ARHGAP24: variants seen among roughly 807,000 people sequenced by gnomAD.
The protein encoded by ARHGAP24 is rho GTPase-activating protein 24.
Under a neutral mutation model 76.4 loss-of-function variants are expected in ARHGAP24, and 50 were observed. That is an observed-to-expected ratio of 0.65 (90% CI 0.52 to 0.83). ARHGAP24 has a LOEUF of 0.83. Ranked by LOEUF, ARHGAP24 falls within the 40% of genes least tolerant of loss-of-function variation. The probability of loss-of-function intolerance (pLI) is 0.00; values close to 1 mark genes in which losing one functional copy is unlikely to be tolerated. For missense variants in ARHGAP24, 930 were observed against 914.2 expected (o/e 1.02, Z -0.22); for synonymous variants, 345 against 323.3 (o/e 1.07, Z -0.72).
At chr4:85,850,024 T>C (rs1473919013) in intron 3 of ARHGAP24, among the ~76,000 whole-genome samples, 1 of 152,238 alleles carries the variant, frequency 6.6e-6, no homozygotes, top group African/African-American at 2.4e-5. Context: ...GAAGAAATGG[T>C]ACCAGCTTCT....
intron 5 of ARHGAP24, among the ~76,000 whole-genome samples, chr4:85,960,443 ACT>A (rs1399350723): frequency 2.0e-5 from 3 of 152,110 alleles, no homozygotes; most frequent in East Asian, 1.9e-4. Context: ...TTCATTGAAA[ACT>A]CTGTGTTCAT....
At chr4:85,481,765 G>C (rs1024177642) in intron 1 of ARHGAP24, among the ~76,000 whole-genome samples, 1 of 152,196 alleles carries the variant, frequency 6.6e-6, no homozygotes, top group Non-Finnish European at 1.5e-5. Context: ...CCCAGTTTAA[G>C]AATAGAGCCC....
At chr4:85,772,050 A>C (rs1037262686) in intron 3 of ARHGAP24, among the ~76,000 whole-genome samples, 2 of 152,182 alleles carry the variant, frequency 1.3e-5, no homozygotes, top group Non-Finnish European at 2.9e-5. Context: ...GTGGCACTAA[A>C]ATAATTAATA....
intron 2 of ARHGAP24, among the ~76,000 whole-genome samples, chr4:85,623,260 A>G (rs551196131): frequency 6.6e-6 from 1 of 152,042 alleles, no homozygotes; most frequent in Non-Finnish European, 1.5e-5. Flanking sequence ...ATCCATCTTG[A>G]ATTAATTTTT....
At chr4:85,880,062 A>G (rs1733157605) in intron 3 of ARHGAP24, among the ~76,000 whole-genome samples, 1 of 152,156 alleles carries the variant, frequency 6.6e-6, no homozygotes, top group South Asian at 2.1e-4. Context: ...GAGGACCCTC[A>G]ATATATATAC....
At position 86,000,727 on chromosome 4, in the gene ARHGAP24, G is replaced by C. The variant is rs778958623; in HGVS notation, c.*5G>C. Reference sequence around the variant, plus strand: ...AACACAATATGGATTCAGTGAGCCTGCTTTCGCCTGCTGTCTCTGATGGCT... The same window carrying C: ...AACACAATATGGATTCAGTGAGCCTCCTTTCGCCTGCTGTCTCTGATGGCT... On this transcript the variant is annotated 3_prime_UTR_variant, in exon 10 of 10. Coordinates refer to ENST00000395184, the MANE Select transcript of ARHGAP24 (RefSeq NM_001025616.3). The C allele has an allele frequency of 2.5e-6, 4 of 1,613,548 alleles. No individual in the cohort carries two copies. The highest frequency in any genetic ancestry group is 3.4e-6 in the Non-Finnish European group (4 of 1,179,726).
At chr4:85,839,659 C>A (rs1730478834) in intron 3 of ARHGAP24, among the ~76,000 whole-genome samples, 1 of 151,860 alleles carries the variant, frequency 6.6e-6, no homozygotes, top group African/African-American at 2.4e-5. Context: ...CTATGTTGGC[C>A]AGGATGGTCT....
chr4:85,559,731 A>G (rs534108131), intron 1 of ARHGAP24, among the ~76,000 whole-genome samples: 32 of 152,274 alleles, frequency 2.1e-4, no homozygotes, highest in African/African-American at 7.7e-4. Context: ...TAAATATAAA[A>G]TAAGAGACAT....
In ARHGAP24 at chr4:85,555,649, AG is replaced by A. The variant is rs1326026891; in HGVS notation, c.-20-14871del. 4.6e-5 allele frequency among the ~76,000 whole-genome samples: 7 copies of A among 152,326 alleles called. No individual in the cohort carries two copies. The South Asian group carries it at 6.2e-4, about 14-fold the overall frequency. On this transcript the variant is annotated intron_variant, in intron 1 of 9. Transcript: ENST00000395184. ...GCACACTGCAGCCCTGGGTGAGCTC[AG>A]GCTTTATGTTCCTTTCTAGCTGGGA...
intron 2 of ARHGAP24, among the ~76,000 whole-genome samples, chr4:85,572,419 G>GTGCACATTCTCTGACATT (rs1219005725): frequency 2.6e-5 from 4 of 152,120 alleles, no homozygotes; most frequent in African/African-American, 7.2e-5. Context: ...TAGAATTCAT[G>GTGCACATTCTCTGACATT]TGCACATTCT....
chr4:85,613,000 G>A (rs965279647), intron 2 of ARHGAP24, among the ~76,000 whole-genome samples: 2 of 151,664 alleles, frequency 1.3e-5, no homozygotes, highest in Non-Finnish European at 2.9e-5. Flanking sequence ...GTTTCGCCAT[G>A]TTGCCCAGGC....
intron 2 of ARHGAP24, among the ~76,000 whole-genome samples, chr4:85,611,575 CA>C (rs1720383099): frequency 6.6e-6 from 1 of 152,190 alleles, no homozygotes; most frequent in Admixed American, 6.5e-5. Context: ...GTCAATACTA[CA>C]AAAATCACTA....
At chr4:85,930,221 C>A (rs1047294634) in intron 4 of ARHGAP24, 11 of 984,798 alleles carry the variant, frequency 1.1e-5, no homozygotes, top group Middle Eastern at 5.2e-4. Flanking sequence ...CCCACAGATC[C>A]AAAGAGCCTC....
intron 2 of ARHGAP24, among the ~76,000 whole-genome samples, chr4:85,691,982 C>T (rs779624188): frequency 2.6e-5 from 4 of 152,144 alleles, no homozygotes; most frequent in Admixed American, 6.5e-5. Context: ...ATTGGTTCCA[C>T]ATTTAGCATT....
chr4:85,521,867 G>C (rs1014182412), intron 1 of ARHGAP24, among the ~76,000 whole-genome samples: 3 of 152,048 alleles, frequency 2.0e-5, no homozygotes, highest in African/African-American at 7.2e-5. Context: ...TATTATTGAC[G>C]ATCAAGAGCA....
At chr4:85,604,830 G>T (rs960277144) in intron 2 of ARHGAP24, among the ~76,000 whole-genome samples, 7 of 147,476 alleles carry the variant, frequency 4.7e-5, no homozygotes, top group Non-Finnish European at 9.0e-5. Context: ...TGCCCACATT[G>T]GCCTCCCAAA....
chr4:85,624,101 T>C, intron 2 of ARHGAP24, among the ~76,000 whole-genome samples: 1 of 152,238 alleles, frequency 6.6e-6, no homozygotes, highest in African/African-American at 2.4e-5. Context: ...GTGATTGCCC[T>C]GGTAAGAACT....
intron 2 of ARHGAP24, among the ~76,000 whole-genome samples, chr4:85,610,958 T>C (rs1484525374): frequency 6.6e-6 from 1 of 152,170 alleles, no homozygotes; most frequent in Non-Finnish European, 1.5e-5. Flanking sequence ...AATTTATTCA[T>C]CTAAAAATCA....
intron 1 of ARHGAP24, among the ~76,000 whole-genome samples, chr4:85,527,201 A>C (rs1017822071): frequency 6.6e-6 from 1 of 152,178 alleles, no homozygotes; most frequent in Non-Finnish European, 1.5e-5. Context: ...GTATCTCATT[A>C]ATAATGCATT....
Sources: gnomAD v4.1 joint callset for allele counts (sites outside exome capture counted in the v4.1 genomes callset) on GRCh38, gnomAD v4.1.1 for gene constraint, MANE v1.5 for transcripts, NCBI Gene and HGNC (gene_info 2026-07-23, HGNC 2026-07-21) for gene names.